Variants in RFFL observed in about 807,000 individuals in gnomAD.
RFFL encodes the protein ring finger and FYVE like domain containing E3 ubiquitin protein ligase, also known as E3 ubiquitin-protein ligase rififylin.
A neutral mutation model predicts 40.4 loss-of-function variants in RFFL; 16 were observed. The ratio of observed to expected loss-of-function variants is 0.40; its 90% CI spans 0.27 to 0.60. The LOEUF is 0.60. RFFL is among the 20% of genes least tolerant of loss of function. The probability of loss-of-function intolerance (pLI) is 0.47; values close to 1 mark genes in which losing one functional copy is unlikely to be tolerated. For synonymous variants in RFFL, 154 were observed against 167.9 expected (o/e 0.92, Z 0.64); for missense variants, 367 against 451.7 (o/e 0.81, Z 1.70).
chr17:35,037,282 G>A (rs2091129939), intron 1 of RFFL, among the ~76,000 whole-genome samples: 1 of 152,176 alleles, frequency 6.6e-6, no homozygotes, highest in African/African-American at 2.4e-5. Flanking sequence ...ACGTATTTCT[G>A]GAATGGTTAA....
Position 35,088,169 on chromosome 17 carries a change from C to CCCCGGG in RFFL, c.-9+935_-9+936insCCCGGG, listed in dbSNP as rs1365418945. Among the ~76,000 whole-genome samples the CCCCGGG allele has an allele frequency of 3.3e-5, 5 of 152,330 alleles. No individual in the cohort carries two copies. In the East Asian group the frequency reaches 7.7e-4, roughly 24 times the overall value. On this transcript the variant is annotated intron_variant, in intron 1 of 6. Transcript: ENST00000315249. The stretch of plus-strand genomic sequence containing the variant: ...AACTCACTGCTTTCTTAGAAGGCCA[C>CCCCGGG]ATGCACCCCGGGATGTTTGCTCATC...
chr17:35,038,678 G>A (rs902821065), intron 1 of RFFL, among the ~76,000 whole-genome samples: 16 of 152,288 alleles, frequency 1.1e-4, no homozygotes, highest in African/African-American at 3.6e-4. Context: ...GAAATGATTC[G>A]TTTTACATAA....
At chr17:35,038,885 AT>A (rs1280024267) in intron 1 of RFFL, among the ~76,000 whole-genome samples, 1 of 152,160 alleles carries the variant, frequency 6.6e-6, no homozygotes. Flanking sequence ...CTCTAGTTAC[AT>A]TTGAATTAAA....
At chr17:35,059,649 T>A (rs2091280782) in intron 1 of RFFL, among the ~76,000 whole-genome samples, 1 of 152,188 alleles carries the variant, frequency 6.6e-6, no homozygotes, top group South Asian at 2.1e-4. Flanking sequence ...GATCAAAAAA[T>A]TCTTTCTCGT....
chr17:35,036,763 G>A (rs1008441492), intron 1 of RFFL, among the ~76,000 whole-genome samples: 20 of 152,170 alleles, frequency 1.3e-4, no homozygotes, highest in African/African-American at 4.6e-4. Context: ...ATAGTTAGAG[G>A]CAAGAGGGTA....
intron 1 of RFFL, among the ~76,000 whole-genome samples, chr17:35,078,261 T>A (rs1462088827): frequency 6.6e-6 from 1 of 152,110 alleles, no homozygotes; most frequent in African/African-American, 2.4e-5. Context: ...AAAAAAAAGG[T>A]CACGATTTGT....
rs367647839 is a variant in RFFL, at chr17:35,030,200, T to C, written c.-8-3639A>G. Reference sequence around the variant, plus strand: ...AGCATGATTTATAGTCCTTTGGGTATATACCCAGTAATGGGATGGCTGGGT... The same window carrying C: ...AGCATGATTTATAGTCCTTTGGGTACATACCCAGTAATGGGATGGCTGGGT... On this transcript the variant is annotated intron_variant, in intron 1 of 6. Transcript: ENST00000394597. Among the ~76,000 whole-genome samples, 642 of 149,550 alleles carry C rather than the reference T, an allele frequency of 4.3e-3. 20 individuals are homozygous for C. In the East Asian group the frequency reaches 0.084, roughly 20 times the overall value.
Position 35,014,747 on chromosome 17 carries a change from G to A in RFFL, c.903C>T (p.Asp301=), listed in dbSNP as rs1407427381. Residue 301 remains aspartate, a synonymous_variant, in exon 6 of 7, where the codon GAC becomes GAT. Transcript: ENST00000394597. ...GLQHLVSGAE[D]QNGGAVPSGL... ...ACAGAAACAACTACATACCGTTTTG[G>A]TCTTCGGCACCACTGACTGAAAAGG... is the stretch of plus-strand genomic sequence containing the variant. 1 of 1,613,798 alleles carries A rather than the reference G, an allele frequency of 6.2e-7. No homozygotes were observed. The highest frequency in any genetic ancestry group is 1.3e-5 in the African/African-American group (1 of 75,038).
intron 1 of RFFL, among the ~76,000 whole-genome samples, chr17:35,063,150 G>C (rs12453568): frequency 0.073 from 11,073 of 152,084 alleles, 546 homozygotes; most frequent in South Asian, 0.097. Context: ...TCCACATCCA[G>C]AACTCAAATG....
At chr17:35,017,377 T>TA in intron 4 of RFFL, 146 bp downstream of exon 4, 1 of 621,598 alleles carries the variant, frequency 1.6e-6, no homozygotes. Context: ...CCTGGAACAC[T>TA]AACACTAAAC....
rs748229437 is a variant in RFFL, at chr17:35,008,436, ATT to A, written c.*3530_*3531del. ...TTAGCTTGTGGTTTATCAGTTGTCA[ATT>A]TTTTTTTTTTTTTAATACAGGGTCT... On this transcript the variant is annotated 3_prime_UTR_variant, in exon 7 of 7. Transcript: ENST00000394597. The A allele has an allele frequency of 2.3e-4, 33 of 143,822 alleles. No individual in the cohort carries two copies. In the South Asian group the frequency reaches 3.4e-3, roughly 15 times the overall value. The allele number at this position is 143,822 out of a possible 1,614,324, so 8.9% of individuals were successfully genotyped here.
Position 35,006,571 on chromosome 17 carries a change from A to G in RFFL, c.*5397T>C, listed in dbSNP as rs547124436. 23 of 152,374 alleles carry G rather than the reference A, an allele frequency of 1.5e-4. No individual in the cohort carries two copies. The highest frequency in any genetic ancestry group is 4.6e-4 in the African/African-American group (19 of 41,574). The allele number at this position is 152,374 out of a possible 1,614,324, so 9.4% of individuals were successfully genotyped here. On this transcript the variant is annotated 3_prime_UTR_variant, in exon 7 of 7. Transcript: ENST00000394597. ...GTTGGGAACGTCACTCCTGGTGTGC[A>G]TGTCCAGACCCTACCCGGGAGAAGG... is the stretch of plus-strand genomic sequence containing the variant.
At chr17:35,016,986 CA>C (rs1010190521) in intron 4 of RFFL, among the ~76,000 whole-genome samples, 1 of 152,144 alleles carries the variant, frequency 6.6e-6, no homozygotes, top group African/African-American at 2.4e-5. Flanking sequence ...TCCTACCCCA[CA>C]GGGGTCCTGT....
At chr17:35,029,694 T>C (rs2091069379) in intron 1 of RFFL, among the ~76,000 whole-genome samples, 1 of 151,660 alleles carries the variant, frequency 6.6e-6, no homozygotes, top group South Asian at 2.1e-4. Flanking sequence ...ATTTTTTATT[T>C]TTTTTTATTA....
intron 1 of RFFL, among the ~76,000 whole-genome samples, chr17:35,070,380 G>A (rs925286378): frequency 9.9e-5 from 15 of 152,066 alleles, no homozygotes; most frequent in African/African-American, 3.1e-4. Flanking sequence ...ATGGTTCCCA[G>A]ACTGATCTCA....
chr17:35,017,410 G>T, intron 4 of RFFL, 113 bp downstream of exon 4: 1 of 711,238 alleles, frequency 1.4e-6, no homozygotes, highest in Non-Finnish European at 2.5e-6. Context: ...ATATAATTTC[G>T]GAAGCACTAT....
intron 1 of RFFL, among the ~76,000 whole-genome samples, chr17:35,086,020 C>A (rs2091427423): frequency 6.6e-6 from 1 of 152,096 alleles, no homozygotes. Flanking sequence ...ATACATGAGG[C>A]CAATTCCTAC....
At chr17:35,076,644 C>T (rs1312130368) in intron 1 of RFFL, 1 of 150,180 alleles carries the variant, frequency 6.7e-6, no homozygotes, top group East Asian at 2.0e-4. Context: ...CACGATTGCA[C>T]TCCAGCCTGG....
intron 6 of RFFL, 55 bp from the exon 7 acceptor site, chr17:35,012,204 T>A (rs1416947286): frequency 6.5e-7 from 1 of 1,532,202 alleles, no homozygotes; most frequent in African/African-American, 1.4e-5. Flanking sequence ...GAGAATGTCT[T>A]AAGTGTATAG....
Sources: allele counts gnomAD v4.1 joint callset (sites outside exome capture counted in the v4.1 genomes callset), GRCh38; gene constraint gnomAD v4.1.1; transcripts MANE v1.5; gene names NCBI Gene and HGNC (gene_info 2026-07-23, HGNC 2026-07-21).